The following CACNA1E variants were observed in gnomAD, a reference collection of about 807,000 sequenced individuals.
CACNA1E encodes the protein voltage-dependent R-type calcium channel subunit alpha-1E.
CACNA1E carries 40 observed loss-of-function variants against 259.2 expected under a neutral mutation model. The observed-to-expected ratio is 0.15, with a 90% CI of 0.12 to 0.20. CACNA1E has a LOEUF of 0.20. CACNA1E is among the 10% of genes least tolerant of loss of function. The pLI is 1.00. For missense variants in CACNA1E, 1,874 were observed against 3,040.1 expected (o/e 0.62, Z 9.02); for synonymous variants, 1,104 against 1,138.5 (o/e 0.97, Z 0.61).
chr1:181,454,271 C>T (rs1232052295), intron 2 of CACNA1E, among the ~76,000 whole-genome samples: 3 of 152,174 alleles, frequency 2.0e-5, no homozygotes, highest in African/African-American at 7.2e-5. Context: ...GCCCCCATCC[C>T]CACCCCGCTC....
At chr1:181,751,153 T>C (rs1384366679) in intron 26 of CACNA1E, among the ~76,000 whole-genome samples, 1 of 152,238 alleles carries the variant, frequency 6.6e-6, no homozygotes, top group East Asian at 1.9e-4. Flanking sequence ...AGTCTTGTTT[T>C]CCACCATTTG....
chr1:181,609,546 G>A (rs949513627), intron 6 of CACNA1E, among the ~76,000 whole-genome samples: 39 of 152,150 alleles, frequency 2.6e-4, no homozygotes, highest in African/African-American at 8.9e-4. Context: ...AGAACAGAGT[G>A]AAAAGGCACA....
At chr1:181,728,526 C>G (rs1025033455) in intron 18 of CACNA1E, among the ~76,000 whole-genome samples, 1 of 152,180 alleles carries the variant, frequency 6.6e-6, no homozygotes, top group African/African-American at 2.4e-5. Context: ...GCTGTGTACA[C>G]TCTGCTCAGG....
intron 1 of CACNA1E, among the ~76,000 whole-genome samples, chr1:181,367,425 C>T (rs1654361275): frequency 6.6e-6 from 1 of 151,604 alleles, no homozygotes; most frequent in South Asian, 2.1e-4. Context: ...CCTTGCAAAA[C>T]ATTTAGGGAT....
At position 181,396,495 on chromosome 1, in the gene CACNA1E, G is replaced by A. The variant is rs532151939; in HGVS notation, c.-14-16638G>A. 4.6e-5 allele frequency among the ~76,000 whole-genome samples: 7 copies of A among 152,298 alleles called. No homozygotes were observed. The South Asian group carries it at 1.2e-3, about 27-fold the overall frequency. The stretch of plus-strand genomic sequence containing the variant: ...GTTGGTGTAAGAAGGGATGGGAGGA[G>A]GAGAACTGAGACAGTGAATAGAAAT... On this transcript the variant is annotated intron_variant, in intron 1 of 11. Transcript: ENST00000524607.
At chr1:181,458,409 A>G (rs544695893) in intron 2 of CACNA1E, among the ~76,000 whole-genome samples, 12 of 152,220 alleles carry the variant, frequency 7.9e-5, no homozygotes, top group Non-Finnish European at 1.3e-4. Flanking sequence ...TGTTACGGCC[A>G]TTTCAGAAAA....
intron 3 of CACNA1E, among the ~76,000 whole-genome samples, chr1:181,519,343 G>A (rs962946433): frequency 6.6e-6 from 1 of 152,146 alleles, no homozygotes; most frequent in African/African-American, 2.4e-5. Flanking sequence ...ATGTGAAAAT[G>A]CAGCAGCACT....
chr1:181,510,780 C>T (rs568049915), intron 2 of CACNA1E, among the ~76,000 whole-genome samples, 198 bp downstream of exon 2: 16 of 152,296 alleles, frequency 1.1e-4, no homozygotes, highest in African/African-American at 3.1e-4. Context: ...GTCTGTGCTG[C>T]GTGGCAGCCA....
chr1:181,715,998 G>A lies in CACNA1E; in HGVS notation c.1226-42G>A, dbSNP rs1425543900. On this transcript the variant is annotated intron_variant, in intron 9 of 47. Transcript: ENST00000367573. ...AAATTTTGTCCAGAATGGTCTGGGTGTACTTGTGGCCTCTCACTGGTCTTC... is the reference window on the plus strand; with the variant it reads ...AAATTTTGTCCAGAATGGTCTGGGTATACTTGTGGCCTCTCACTGGTCTTC... 5.7e-6 allele frequency: 8 copies of A among 1,393,582 alleles called. No homozygotes were observed. In the African/African-American group the frequency reaches 8.6e-5, roughly 15 times the overall value. The allele number at this position is 1,393,582 out of a possible 1,614,324, so 86.3% of individuals were successfully genotyped here. A position where few individuals can be genotyped will look rare whatever the true frequency, so the allele number is the denominator to read the frequency against.
At chr1:181,554,996 C>T (rs1164142679) in intron 3 of CACNA1E, among the ~76,000 whole-genome samples, 1 of 152,148 alleles carries the variant, frequency 6.6e-6, no homozygotes, top group African/African-American at 2.4e-5. Context: ...AGATTATAAT[C>T]CCTATGCAGA....
intron 1 of CACNA1E, among the ~76,000 whole-genome samples, chr1:181,367,302 C>T (rs757943968): frequency 4.6e-5 from 7 of 151,968 alleles, no homozygotes; most frequent in Non-Finnish European, 8.8e-5. Flanking sequence ...GAATTGTCAC[C>T]GTCTCATCTC....
chr1:181,606,645 C>A (rs1642993510), intron 6 of CACNA1E, among the ~76,000 whole-genome samples: 2 of 152,164 alleles, frequency 1.3e-5, no homozygotes. Context: ...TTTATAAAAC[C>A]CTTTACTGGA....
In CACNA1E at chr1:181,511,518, C is replaced by A. The variant is rs749848442; in HGVS notation, c.512+8C>A. On this transcript the variant is annotated splice_region_variant and intron_variant, in intron 3 of 47. Transcript: ENST00000367573. ...CATCGTGGTCCTCAGTGGGTAAGTC[C>A]ATTTTCTCTCTCTGTCTGTGTGTGT... 6.2e-7 allele frequency: 1 copy of A among 1,613,296 alleles called. No individual in the cohort carries two copies. The highest frequency in any genetic ancestry group is 8.5e-7 in the Non-Finnish European group (1 of 1,179,792).
At chr1:181,790,333 T>G in intron 43 of CACNA1E, 112 bp from the exon 44 acceptor site, 2 of 571,472 alleles carry the variant, frequency 3.5e-6, no homozygotes. Context: ...CACATGTAAG[T>G]TACTAGGTTT....
At chr1:181,653,042 G>T (rs1398680977) in intron 7 of CACNA1E, among the ~76,000 whole-genome samples, 1 of 152,054 alleles carries the variant, frequency 6.6e-6, no homozygotes, top group Non-Finnish European at 1.5e-5. Flanking sequence ...ATTTGGGAGA[G>T]ACCAGAGAAA....
At chr1:181,766,309 C>A (rs1376326071) in intron 34 of CACNA1E, among the ~76,000 whole-genome samples, 1 of 152,200 alleles carries the variant, frequency 6.6e-6, no homozygotes, top group Non-Finnish European at 1.5e-5. Context: ...GAGTGAATCT[C>A]CCTGATAGAG....
intron 6 of CACNA1E, among the ~76,000 whole-genome samples, chr1:181,602,941 G>A (rs576117995): frequency 6.6e-6 from 1 of 152,278 alleles, no homozygotes; most frequent in African/African-American, 2.4e-5. Flanking sequence ...CTGGGGGATA[G>A]GTGGGGGATC....
chr1:181,553,213 T>G (rs943791528), intron 3 of CACNA1E, among the ~76,000 whole-genome samples: 1 of 152,224 alleles, frequency 6.6e-6, no homozygotes, highest in Non-Finnish European at 1.5e-5. Flanking sequence ...AAGAGGTCCT[T>G]CACATCCCTT....
At chr1:181,728,348 C>A (rs1655111453) in intron 18 of CACNA1E, among the ~76,000 whole-genome samples, 1 of 152,314 alleles carries the variant, frequency 6.6e-6, no homozygotes, top group Non-Finnish European at 1.5e-5. Context: ...TGGGTAGGCA[C>A]AGGCAGGGCC....
Sources: gnomAD v4.1 joint callset for allele counts (sites outside exome capture counted in the v4.1 genomes callset) on GRCh38, gnomAD v4.1.1 for gene constraint, MANE v1.5 for transcripts, NCBI Gene and HGNC (gene_info 2026-07-23, HGNC 2026-07-21) for gene names.